The following GABRA2 variants were observed in gnomAD, a reference collection of about 807,000 sequenced individuals.
GABRA2 encodes gamma-aminobutyric acid receptor subunit alpha-2.
A neutral mutation model predicts 48.7 loss-of-function variants in GABRA2; 16 were observed. The observed-to-expected ratio is 0.33, with a 90% CI of 0.22 to 0.50. The LOEUF (loss-of-function observed/expected upper bound fraction) is 0.50. GABRA2 is among the 20% of genes least tolerant of loss of function. GABRA2 has a pLI of 0.98. For synonymous variants in GABRA2, 185 were observed against 184.5 expected (o/e 1.00, Z -0.02); for missense variants, 275 against 535.6 (o/e 0.51, Z 4.80).
In GABRA2 at chr4:46,247,501, AAT is replaced by A. The variant is rs1199045345; in HGVS notation, c.*2805_*2806del. Among the ~76,000 whole-genome samples, 1 of 151,226 alleles carries A rather than the reference AAT, an allele frequency of 6.6e-6. No homozygotes were observed. The highest frequency in any genetic ancestry group is 2.4e-5 in the African/African-American group (1 of 41,346). On this transcript the variant is annotated 3_prime_UTR_variant, in exon 10 of 10. Coordinates refer to ENST00000381620, the MANE Select transcript of GABRA2 (RefSeq NM_000807.4). ...AGGAGGTAAAAAATATTTTTGAATAAATATTAGTTAAATCAGAGTAGTAGCTA... is the reference window on the plus strand; with the variant it reads ...AGGAGGTAAAAAATATTTTTGAATAAATTAGTTAAATCAGAGTAGTAGCTA...
chr4:46,282,194 T>C (rs1391462139), intron 8 of GABRA2, among the ~76,000 whole-genome samples: 1 of 152,174 alleles, frequency 6.6e-6, no homozygotes, highest in East Asian at 1.9e-4. Flanking sequence ...CTCCTTTCCA[T>C]TGGAGGAATA....
chr4:46,288,926 G>A (rs2109517904), intron 8 of GABRA2, among the ~76,000 whole-genome samples: 1 of 152,044 alleles, frequency 6.6e-6, no homozygotes. Context: ...GAAGGAAGGT[G>A]TACATGTAGC....
rs185751511 is a variant in GABRA2, at chr4:46,303,683, C to T, written c.704-71G>A. 39 of 1,354,328 alleles carry T rather than the reference C, an allele frequency of 2.9e-5. No individual in the cohort carries two copies. The East Asian group carries it at 8.3e-4, about 29-fold the overall frequency. The allele number at this position is 1,354,328 out of a possible 1,614,324, so 83.9% of individuals were successfully genotyped here. On this transcript the variant is annotated intron_variant, in intron 7 of 9. Coordinates refer to ENST00000381620, the MANE Select transcript of GABRA2 (RefSeq NM_000807.4). ...TGAACATTTAGGAAATAGAAGGGAT[C>T]AGAGGTAGAACAAAAACTGATTTTT... is the stretch of plus-strand genomic sequence containing the variant.
intron 9 of GABRA2, among the ~76,000 whole-genome samples, chr4:46,259,140 T>A (rs1560438730): frequency 6.6e-6 from 1 of 151,626 alleles, no homozygotes; most frequent in Non-Finnish European, 1.5e-5. Context: ...ATGGAACAGG[T>A]TTGAGAAAGC....
At chr4:46,361,522 G>T (rs959330545) in intron 3 of GABRA2, among the ~76,000 whole-genome samples, 1 of 152,198 alleles carries the variant, frequency 6.6e-6, no homozygotes, top group African/African-American at 2.4e-5. Context: ...TTTGCTGCAG[G>T]GGCAGGGCCC....
intron 5 of GABRA2, 89 bp from the exon 6 acceptor site, chr4:46,310,344 T>C (rs938896053): frequency 5.7e-6 from 5 of 876,892 alleles, no homozygotes; most frequent in Non-Finnish European, 7.5e-6. Context: ...TCGATAGAGG[T>C]AGAGCATTAA....
Position 46,250,276 on chromosome 4 carries a change from C to T in GABRA2, c.*32G>A. The T allele has an allele frequency of 1.3e-6, 2 of 1,573,624 alleles. No individual in the cohort carries two copies. The highest frequency in any genetic ancestry group is 1.2e-5 in the South Asian group (1 of 85,832). On this transcript the variant is annotated 3_prime_UTR_variant, in exon 10 of 10. Coordinates refer to ENST00000381620, the MANE Select transcript of GABRA2 (RefSeq NM_000807.4). Reference sequence around the variant, plus strand: ...GCAAAACAAACCAAATTTAATGTTGCTATACATCCCAAAGATAACATGGGT... The same window carrying T: ...GCAAAACAAACCAAATTTAATGTTGTTATACATCCCAAAGATAACATGGGT...
At chr4:46,278,627 C>A (rs1293783641) in intron 8 of GABRA2, among the ~76,000 whole-genome samples, 1 of 152,008 alleles carries the variant, frequency 6.6e-6, no homozygotes, top group African/African-American at 2.4e-5. Flanking sequence ...AAGAAATGTT[C>A]TTTTTCTTCT....
At chr4:46,290,013 G>C (rs1036241461) in intron 8 of GABRA2, among the ~76,000 whole-genome samples, 14 of 150,258 alleles carry the variant, frequency 9.3e-5, no homozygotes, top group Admixed American at 9.3e-4. Flanking sequence ...CCGGGTTCAC[G>C]CCATTCTCCT....
In GABRA2 at chr4:46,331,782, A is replaced by G. The variant is rs563397432; in HGVS notation, c.255+833T>C. On this transcript the variant is annotated intron_variant, in intron 4 of 9. Transcript: ENST00000381620. ...AGGGTCTCACTCTCATGCAGACTGG[A>G]GTGCAGTGGCAGGATCACAGCTCAC... 3.0e-4 allele frequency among the ~76,000 whole-genome samples: 45 copies of G among 152,230 alleles called. No homozygotes were observed. The South Asian group carries it at 9.1e-3, about 31-fold the overall frequency.
chr4:46,302,224 G>A (rs1725870206), intron 8 of GABRA2, among the ~76,000 whole-genome samples: 1 of 151,890 alleles, frequency 6.6e-6, no homozygotes, highest in South Asian at 2.1e-4. Context: ...GTGCCACCAA[G>A]CTTGGCTAAT....
intron 4 of GABRA2, among the ~76,000 whole-genome samples, chr4:46,316,158 C>T (rs887950016): frequency 3.3e-5 from 5 of 151,792 alleles, no homozygotes; most frequent in Non-Finnish European, 5.9e-5. Context: ...CATCGTTTTT[C>T]CTCATCCTTA....
At chr4:46,383,172 T>A (rs886770499) in intron 3 of GABRA2, among the ~76,000 whole-genome samples, 1 of 152,214 alleles carries the variant, frequency 6.6e-6, no homozygotes, top group African/African-American at 2.4e-5. Flanking sequence ...TGCCAGTCGC[T>A]ATGCTAAATT....
intron 8 of GABRA2, among the ~76,000 whole-genome samples, chr4:46,275,019 G>C (rs182645402): frequency 1.3e-5 from 2 of 152,060 alleles, no homozygotes; most frequent in Non-Finnish European, 2.9e-5. Context: ...TTTTATTTTA[G>C]TTAATTCATT....
At chr4:46,253,481 A>G (rs1479995599) in intron 9 of GABRA2, among the ~76,000 whole-genome samples, 1 of 151,532 alleles carries the variant, frequency 6.6e-6, no homozygotes. Context: ...GCAGTGTTAA[A>G]ACTCGTTCCA....
At chr4:46,327,432 T>C (rs1243427554) in intron 4 of GABRA2, among the ~76,000 whole-genome samples, 2 of 152,028 alleles carry the variant, frequency 1.3e-5, no homozygotes, top group Non-Finnish European at 2.9e-5. Flanking sequence ...AGTGTCTATT[T>C]TCTAACTTTC....
intron 4 of GABRA2, among the ~76,000 whole-genome samples, chr4:46,316,993 G>C (rs1316905331): frequency 6.6e-6 from 1 of 151,916 alleles, no homozygotes; most frequent in African/African-American, 2.4e-5. Context: ...TGGATACTTG[G>C]TGTAGTAGGT....
At chr4:46,315,099 C>A (rs2109710737) in intron 4 of GABRA2, among the ~76,000 whole-genome samples, 1 of 151,558 alleles carries the variant, frequency 6.6e-6, no homozygotes, top group South Asian at 2.1e-4. Context: ...AACTTACATT[C>A]CCAGCAACAG....
At chr4:46,365,138 A>G (rs1713843193) in intron 3 of GABRA2, 1 of 152,310 alleles carries the variant, frequency 6.6e-6, no homozygotes, top group South Asian at 2.1e-4. Context: ...AAGAAAAGCC[A>G]GATGAAGTTA....
Sources: gnomAD v4.1 joint callset for allele counts (sites outside exome capture counted in the v4.1 genomes callset) on GRCh38, gnomAD v4.1.1 for gene constraint, MANE v1.5 for transcripts, NCBI Gene and HGNC (gene_info 2026-07-23, HGNC 2026-07-21) for gene names.